PDE4D: variants seen among roughly 807,000 people sequenced by gnomAD.
The protein encoded by PDE4D is phosphodiesterase 4D, also known as 3',5'-cyclic-AMP phosphodiesterase 4D.
Under a neutral mutation model 87.4 loss-of-function variants are expected in PDE4D, and 24 were observed. That is an observed-to-expected ratio of 0.27 (90% CI 0.20 to 0.39). PDE4D has a LOEUF of 0.39. Ranked by LOEUF, PDE4D falls within the 10% of genes least tolerant of loss-of-function variation. The probability of loss-of-function intolerance (pLI) is 1.00; values close to 1 mark genes in which losing one functional copy is unlikely to be tolerated. For missense variants in PDE4D, 714 were observed against 1,041.0 expected (o/e 0.69, Z 4.32); for synonymous variants, 384 against 383.2 (o/e 1.00, Z -0.02).
At chr5:59,752,718 G>C (rs565940691) in intron 1 of PDE4D, among the ~76,000 whole-genome samples, 1 of 152,230 alleles carries the variant, frequency 6.6e-6, no homozygotes, top group South Asian at 2.1e-4. Context: ...CAATGCACAG[G>C]AGAGCCCCCA....
intron 5 of PDE4D, among the ~76,000 whole-genome samples, chr5:59,067,032 AGAG>A (rs1337036841): frequency 7.1e-4 from 105 of 148,496 alleles, no homozygotes; most frequent in Middle Eastern, 3.5e-3. Flanking sequence ...TTATTTATTT[AGAG>A]AGAGAGTTTT....
chr5:60,197,081 A>ACAGT (rs1325375889), intron 1 of PDE4D, among the ~76,000 whole-genome samples: 1,956 of 125,374 alleles, frequency 0.016, 33 homozygotes, highest in East Asian at 0.026. Context: ...AGACAGTTAG[A>ACAGT]TAGATAGATA....
At chr5:59,852,551 T>C (rs987960483) in intron 1 of PDE4D, among the ~76,000 whole-genome samples, 1 of 152,032 alleles carries the variant, frequency 6.6e-6, no homozygotes, top group African/African-American at 2.4e-5. Context: ...CCAGCTCTAG[T>C]CAAGTATTCA....
At chr5:60,321,953 G>A (rs1281301538) in intron 1 of PDE4D, among the ~76,000 whole-genome samples, 1 of 151,888 alleles carries the variant, frequency 6.6e-6, no homozygotes, top group Non-Finnish European at 1.5e-5. Flanking sequence ...CACACTGCTT[G>A]TGAGAATGTA....
chr5:59,799,996 T>C (rs1322605371), intron 1 of PDE4D, among the ~76,000 whole-genome samples: 4 of 152,226 alleles, frequency 2.6e-5, no homozygotes, highest in African/African-American at 9.6e-5. Context: ...GCAGGACTTT[T>C]AACACTCCCT....
intron 3 of PDE4D, among the ~76,000 whole-genome samples, chr5:59,903,505 T>C (rs1167490607): frequency 2.0e-5 from 3 of 152,190 alleles, no homozygotes; most frequent in Non-Finnish European, 4.4e-5. Context: ...AGGATACCTA[T>C]TAGCTTGTTG....
At chr5:60,187,842 C>CA (rs1784904555) in intron 1 of PDE4D, among the ~76,000 whole-genome samples, 1 of 152,144 alleles carries the variant, frequency 6.6e-6, no homozygotes, top group African/African-American at 2.4e-5. Flanking sequence ...TCTCCACTGG[C>CA]ATTCTATGTA....
chr5:60,049,550 G>A (rs964321496), intron 2 of PDE4D, among the ~76,000 whole-genome samples: 1 of 152,078 alleles, frequency 6.6e-6, no homozygotes, highest in Non-Finnish European at 1.5e-5. Flanking sequence ...TTTTGGTGTG[G>A]ATGTCCTTTC....
chr5:59,481,068 A>G (rs1028111554), intron 1 of PDE4D, among the ~76,000 whole-genome samples: 3 of 152,144 alleles, frequency 2.0e-5, no homozygotes, highest in African/African-American at 7.2e-5. Context: ...ACAAAACAAT[A>G]GATGGCAAAT....
intron 1 of PDE4D, among the ~76,000 whole-genome samples, chr5:59,856,012 A>G (rs1745377274): frequency 1.3e-5 from 2 of 152,098 alleles, no homozygotes; most frequent in Admixed American, 6.6e-5. Flanking sequence ...AAAGAGAATT[A>G]CCCTCCAAAA....
chr5:59,219,012 G>A (rs2153508040), intron 1 of PDE4D, among the ~76,000 whole-genome samples: 1 of 133,218 alleles, frequency 7.5e-6, no homozygotes, highest in South Asian at 2.5e-4. Flanking sequence ...CATGGACACA[G>A]GAAGGGGAAT....
chr5:59,923,177 A>G (rs985071065), intron 3 of PDE4D, among the ~76,000 whole-genome samples: 7 of 152,276 alleles, frequency 4.6e-5, no homozygotes, highest in Middle Eastern at 3.4e-3. Flanking sequence ...CTTTGGTGCC[A>G]GGTCAGTCAC....
intron 1 of PDE4D, among the ~76,000 whole-genome samples, chr5:59,480,895 G>T (rs1804135697): frequency 1.3e-5 from 2 of 152,110 alleles, no homozygotes; most frequent in South Asian, 4.1e-4. Flanking sequence ...CCCTTGAAAT[G>T]GATTTTAAGT....
chr5:59,605,850 C>T (rs933712334), intron 1 of PDE4D, among the ~76,000 whole-genome samples: 2 of 151,926 alleles, frequency 1.3e-5, no homozygotes, highest in African/African-American at 4.8e-5. Context: ...CTGATCTGGG[C>T]TATGGAACAG....
At chr5:59,021,861 C>T (rs567744183) in intron 6 of PDE4D, among the ~76,000 whole-genome samples, 3 of 152,200 alleles carry the variant, frequency 2.0e-5, no homozygotes, top group Non-Finnish European at 4.4e-5. Context: ...CAAATCAGCC[C>T]ATACTTATTT....
chr5:60,491,542 AT>A (rs1385411742), upstream of PDE4D: 2 of 152,246 alleles, frequency 1.3e-5, no homozygotes, highest in Non-Finnish European at 2.9e-5. Context: ...GTACTCATAT[AT>A]TGCAGTCAAA....
intron 1 of PDE4D, among the ~76,000 whole-genome samples, chr5:60,443,601 T>G (rs930540525): frequency 6.6e-6 from 1 of 152,090 alleles, no homozygotes; most frequent in African/African-American, 2.4e-5. Flanking sequence ...CAAGGTTCAT[T>G]TGCCCAGAGT....
At chr5:60,285,295 C>A (rs1752313194) in intron 1 of PDE4D, among the ~76,000 whole-genome samples, 1 of 151,232 alleles carries the variant, frequency 6.6e-6, no homozygotes, top group African/African-American at 2.4e-5. Context: ...CAAAGGTGTA[C>A]TAAAGAATAG....
chr5:60,259,775 C>T (rs888617919), intron 1 of PDE4D, among the ~76,000 whole-genome samples: 7 of 152,010 alleles, frequency 4.6e-5, no homozygotes, highest in African/African-American at 1.7e-4. Context: ...AAGGCTCCTG[C>T]CCTCAAAGAG....
Sources: allele counts gnomAD v4.1 joint callset (sites outside exome capture counted in the v4.1 genomes callset), GRCh38; gene constraint gnomAD v4.1.1; transcripts MANE v1.5; gene names NCBI Gene and HGNC (gene_info 2026-07-23, HGNC 2026-07-21).